TMCO4: variants seen among roughly 807,000 people sequenced by gnomAD.
TMCO4 encodes the protein transmembrane and coiled-coil domain-containing protein 4.
Under a neutral mutation model 64.7 loss-of-function variants are expected in TMCO4, and 58 were observed. The observed-to-expected ratio is 0.90, with a 90% CI of 0.73 to 1.12. TMCO4 has a LOEUF of 1.12. TMCO4 is among the 50% of genes most tolerant of loss of function. The pLI, the probability that TMCO4 is intolerant of heterozygous loss-of-function variation, is 0.00. For synonymous variants in TMCO4, 325 were observed against 346.1 expected (o/e 0.94, Z 0.68); for missense variants, 780 against 825.9 (o/e 0.94, Z 0.68).
At chr1:19,710,827 T>G (rs2100679871) in intron 13 of TMCO4, among the ~76,000 whole-genome samples, 1 of 152,354 alleles carries the variant, frequency 6.6e-6, no homozygotes, top group South Asian at 2.1e-4. Flanking sequence ...ACTAGCAGGC[T>G]AGAATTTCCT....
intron 2 of TMCO4, among the ~76,000 whole-genome samples, chr1:19,795,689 C>T (rs954466643): frequency 2.0e-5 from 3 of 152,094 alleles, no homozygotes; most frequent in African/African-American, 7.2e-5. Flanking sequence ...GGTCACTGGA[C>T]GAGTCATGTG....
At chr1:19,782,057 C>T (rs543497421) in intron 3 of TMCO4, among the ~76,000 whole-genome samples, 1 of 152,350 alleles carries the variant, frequency 6.6e-6, no homozygotes, top group Admixed American at 6.5e-5. Flanking sequence ...TATGCTCTGG[C>T]AATTCCACTC....
At chr1:19,791,832 A>C (rs749611448) in intron 2 of TMCO4, among the ~76,000 whole-genome samples, 11 of 152,144 alleles carry the variant, frequency 7.2e-5, no homozygotes, top group Non-Finnish European at 1.3e-4. Context: ...GGGTACTGTG[A>C]AGACACCAAA....
intron 15 of TMCO4, among the ~76,000 whole-genome samples, chr1:19,685,534 C>G (rs538982171): frequency 1.3e-5 from 2 of 152,022 alleles, no homozygotes; most frequent in African/African-American, 2.4e-5. Flanking sequence ...ATGGACAATG[C>G]CTGACACGTA....
chr1:19,728,051 C>G (rs926992539), intron 13 of TMCO4, among the ~76,000 whole-genome samples: 13 of 152,130 alleles, frequency 8.5e-5, no homozygotes, highest in Admixed American at 8.5e-4. Context: ...CTGGTGCTTA[C>G]TCGAAGGTGG....
intron 13 of TMCO4, among the ~76,000 whole-genome samples, chr1:19,715,963 G>C (rs1471725140): frequency 2.0e-5 from 3 of 152,142 alleles, no homozygotes; most frequent in Non-Finnish European, 4.4e-5. Flanking sequence ...ATGAGTATGG[G>C]ACTCTGGGCT....
intron 13 of TMCO4, among the ~76,000 whole-genome samples, chr1:19,715,818 A>G (rs962335576): frequency 5.3e-5 from 8 of 152,204 alleles, no homozygotes; most frequent in African/African-American, 9.7e-5. Context: ...AGCCCCGGGC[A>G]TCTCCCTGGC....
chr1:19,682,869 C>T lies in TMCO4; in HGVS notation c.*171G>A, dbSNP rs2095113009. 1 of 1,022,660 alleles carries T rather than the reference C, an allele frequency of 9.8e-7. No individual in the cohort carries two copies. 63.3% of individuals were successfully genotyped at this position (1,022,660 alleles called of 1,614,324 possible). The stretch of plus-strand genomic sequence containing the variant: ...TTCCCAAGGGTGGGCGTGTTCTCTC[C>T]TCCAAATTCCCCTTCCTTCCATTTC... On this transcript the variant is annotated 3_prime_UTR_variant, in exon 16 of 16. Coordinates refer to ENST00000294543, the MANE Select transcript of TMCO4 (RefSeq NM_181719.7).
chr1:19,697,141 G>A (rs947651907), intron 14 of TMCO4, among the ~76,000 whole-genome samples: 14 of 152,298 alleles, frequency 9.2e-5, no homozygotes, highest in South Asian at 4.1e-4. Context: ...GTGCTGTGCC[G>A]CCTCTCTCTG....
At position 19,734,979 on chromosome 1, in the gene TMCO4, T is replaced by C. The variant is rs2095447279; in HGVS notation, c.1264+2393A>G. On this transcript the variant is annotated intron_variant, in intron 13 of 15. Coordinates refer to ENST00000294543, the MANE Select transcript of TMCO4 (RefSeq NM_181719.7). The surrounding 1 kb of genome is among the most constrained non-coding windows in gnomAD (Gnocchi z 4.4). The stretch of plus-strand genomic sequence containing the variant: ...ACTAGCTCGTGGGCACAGCAGCATG[T>C]GCCTGATTCCCTCACCCAAAGTCCA... Among the ~76,000 whole-genome samples, 1 of 152,148 alleles carries C rather than the reference T, an allele frequency of 6.6e-6. No homozygotes were observed. Among genetic ancestry groups the C allele is most frequent in the Non-Finnish European group, 1.5e-5 (1 of 68,004 alleles).
rs1274081505 is a variant in TMCO4, at chr1:19,732,625, T to C, written c.1264+4747A>G. Among the ~76,000 whole-genome samples, 2 of 152,068 alleles carry C rather than the reference T, an allele frequency of 1.3e-5. No individual in the cohort carries two copies. The highest frequency in any genetic ancestry group is 2.9e-5 in the Non-Finnish European group (2 of 68,006). On this transcript the variant is annotated intron_variant, in intron 13 of 15. Transcript: ENST00000294543. This position sits in a 1 kb window ranked among gnomAD's most constrained non-coding sequence, Gnocchi z 4.8. ...GACAGTGGGGGCTGGGCATGGTGGC[T>C]CATGCCTGTAACCCCAGTGCTGTGG...
At chr1:19,765,438 A>G (rs1318325933) in intron 6 of TMCO4, among the ~76,000 whole-genome samples, 2 of 89,786 alleles carry the variant, frequency 2.2e-5, no homozygotes, top group Non-Finnish European at 4.1e-5. Context: ...CCTAGAGGAC[A>G]TTGGCAACCT....
At chr1:19,686,190 G>C (rs1221482621) in intron 15 of TMCO4, among the ~76,000 whole-genome samples, 1 of 152,218 alleles carries the variant, frequency 6.6e-6, no homozygotes, top group Non-Finnish European at 1.5e-5. Context: ...GTCTGGTGCT[G>C]AGCCTGAGAT....
intron 4 of TMCO4, among the ~76,000 whole-genome samples, chr1:19,774,828 A>T (rs939498507): frequency 7.2e-5 from 11 of 152,062 alleles, no homozygotes; most frequent in African/African-American, 2.7e-4. Flanking sequence ...AGTTTACACT[A>T]CTCTAGAGAT....
At chr1:19,709,375 T>C (rs2095319386) in intron 13 of TMCO4, among the ~76,000 whole-genome samples, 1 of 135,784 alleles carries the variant, frequency 7.4e-6, no homozygotes, top group African/African-American at 2.7e-5. Context: ...AAAGCTGGGT[T>C]TGTCTGAGAA....
intron 2 of TMCO4, among the ~76,000 whole-genome samples, chr1:19,797,448 G>C (rs1456094020): frequency 2.6e-5 from 4 of 152,144 alleles, no homozygotes; most frequent in Non-Finnish European, 5.9e-5. Flanking sequence ...AAGGAGGGAG[G>C]GGTGGCATGC....
chr1:19,745,022 A>C (rs2041703573), intron 10 of TMCO4, among the ~76,000 whole-genome samples: 1 of 151,202 alleles, frequency 6.6e-6, no homozygotes, highest in African/African-American at 2.4e-5. Flanking sequence ...ATGGGTGGGC[A>C]GATGGGTGGG....
At chr1:19,726,712 C>T (rs562644017) in intron 13 of TMCO4, among the ~76,000 whole-genome samples, 3 of 152,306 alleles carry the variant, frequency 2.0e-5, no homozygotes, top group East Asian at 1.9e-4. Flanking sequence ...CACACCTCCA[C>T]GCAGGTGGTC....
intron 13 of TMCO4, among the ~76,000 whole-genome samples, chr1:19,736,683 G>A (rs1053407186): frequency 6.6e-6 from 1 of 152,154 alleles, no homozygotes; most frequent in Admixed American, 6.5e-5. Flanking sequence ...CCCAAGGCCA[G>A]GAGCAGCAGC....
Sources: gnomAD v4.1 joint callset for allele counts (sites outside exome capture counted in the v4.1 genomes callset) on GRCh38, gnomAD v4.1.1 for gene constraint, Gnocchi (gnomAD v3.1) non-coding constraint, MANE v1.5 for transcripts, NCBI Gene and HGNC (gene_info 2026-07-23, HGNC 2026-07-21) for gene names.